The following DCDC1 variants were observed in gnomAD, a reference collection of about 807,000 sequenced individuals.
DCDC1 encodes doublecortin domain containing 1.
DCDC1 carries 200 observed loss-of-function variants against 178.3 expected under a neutral mutation model. The ratio of observed to expected loss-of-function variants is 1.12; its 90% CI spans 1.00 to 1.26. The LOEUF (loss-of-function observed/expected upper bound fraction) is 1.26, where lower values mean the gene tolerates loss of function less well. DCDC1 is among the 50% of genes most tolerant of loss of function. DCDC1 has a pLI of 0.00. For missense variants in DCDC1, 1,983 were observed against 1,749.2 expected (o/e 1.13, Z -2.38); for synonymous variants, 690 against 604.8 (o/e 1.14, Z -2.07).
At chr11:31,111,137 G>A (rs1417756362) in intron 11 of DCDC1, among the ~76,000 whole-genome samples, 1 of 151,980 alleles carries the variant, frequency 6.6e-6, no homozygotes, top group African/African-American at 2.4e-5. Flanking sequence ...GCTGAGAGAG[G>A]GGCCTGATGA....
chr11:30,867,526 T>C (rs1427405148), intron 38 of DCDC1, among the ~76,000 whole-genome samples: 2 of 152,170 alleles, frequency 1.3e-5, no homozygotes, highest in Admixed American at 1.3e-4. Flanking sequence ...GTGTTGATGA[T>C]CTCATTTGAG....
chr11:30,867,303 T>C (rs1941084110), intron 38 of DCDC1, among the ~76,000 whole-genome samples: 1 of 152,230 alleles, frequency 6.6e-6, no homozygotes, highest in Non-Finnish European at 1.5e-5. Flanking sequence ...TAAATCCCAG[T>C]TCTGCCACTT....
chr11:31,250,413 C>CACACATAT (rs1476922348), intron 8 of DCDC1, among the ~76,000 whole-genome samples: 7 of 93,064 alleles, frequency 7.5e-5, no homozygotes, highest in African/African-American at 3.5e-4. Flanking sequence ...CACACACACA[C>CACACATAT]ACATATACAT....
chr11:31,216,712 A>G (rs1973615378), intron 9 of DCDC1, among the ~76,000 whole-genome samples: 1 of 152,164 alleles, frequency 6.6e-6, no homozygotes, highest in Non-Finnish European at 1.5e-5. Context: ...AAGCCCAGAC[A>G]GTACTAGTTA....
At chr11:31,111,294 GA>G (rs573318086) in intron 11 of DCDC1, among the ~76,000 whole-genome samples, 6,418 of 141,750 alleles carry the variant, frequency 0.045, 214 homozygotes, top group African/African-American at 0.1. Flanking sequence ...ATTTAAAAAT[GA>G]AAAAAAAAAA....
chr11:31,025,329 C>T (rs938914064), intron 20 of DCDC1, among the ~76,000 whole-genome samples: 2 of 151,682 alleles, frequency 1.3e-5, no homozygotes, highest in Non-Finnish European at 3.0e-5. Flanking sequence ...CTCAAAAAGC[C>T]ACAAACATTC....
intron 9 of DCDC1, among the ~76,000 whole-genome samples, chr11:31,177,502 G>T (rs1487708423): frequency 6.6e-6 from 1 of 152,118 alleles, no homozygotes; most frequent in East Asian, 1.9e-4. Flanking sequence ...TAAGAGAACT[G>T]TAGGAGTAAG....
chr11:31,192,031 C>G (rs932036102), intron 9 of DCDC1, among the ~76,000 whole-genome samples: 1 of 152,046 alleles, frequency 6.6e-6, no homozygotes, highest in African/African-American at 2.4e-5. Context: ...TCTTATCATA[C>G]AAACCAGAAA....
intron 9 of DCDC1, among the ~76,000 whole-genome samples, chr11:31,171,806 G>A (rs1035039021): frequency 2.6e-5 from 4 of 152,134 alleles, no homozygotes; most frequent in African/African-American, 9.7e-5. Context: ...TTAAATTAAA[G>A]GTTGTTTTAG....
chr11:31,329,632 G>C (rs1436709945), intron 2 of DCDC1, among the ~76,000 whole-genome samples: 1 of 152,114 alleles, frequency 6.6e-6, no homozygotes, highest in Non-Finnish European at 1.5e-5. Flanking sequence ...TCCCACCTAT[G>C]AGTGAGAAAA....
chr11:31,323,054 C>T (rs1418163471), intron 3 of DCDC1, among the ~76,000 whole-genome samples: 1 of 149,720 alleles, frequency 6.7e-6, no homozygotes, highest in Non-Finnish European at 1.5e-5. Flanking sequence ...AAAAATTCTA[C>T]TTTTATTTAA....
chr11:30,929,392 A>G (rs184492868), intron 22 of DCDC1, among the ~76,000 whole-genome samples: 11 of 152,264 alleles, frequency 7.2e-5, no homozygotes, highest in Non-Finnish European at 1.3e-4. Context: ...AGTAGACACA[A>G]CTAACTCGAG....
At position 31,121,406 on chromosome 11, in the gene DCDC1, G is replaced by C. The variant is rs144032771; in HGVS notation, c.1485+6063C>G. Among the ~76,000 whole-genome samples the C allele has an allele frequency of 4.2e-3, 619 of 147,228 alleles. 5 individuals carry two copies. The highest frequency in any genetic ancestry group is 0.015 in the African/African-American group (586 of 39,468). On this transcript the variant is annotated intron_variant, in intron 11 of 38. Coordinates refer to ENST00000684477, the MANE Select transcript of DCDC1 (RefSeq NM_001387274.1). The stretch of plus-strand genomic sequence containing the variant: ...GGCAGAAATGAGCAACCACACAGAG[G>C]CTGCTCCCGGTTTTTTATCTTGTAT...
At chr11:31,281,034 A>G in intron 7 of DCDC1, 1 of 522,108 alleles carries the variant, frequency 1.9e-6, no homozygotes, top group Admixed American at 2.2e-5. Flanking sequence ...CTCTGAAGCT[A>G]GACGTCCCAT....
chr11:31,279,692 C>G (rs761658259), intron 7 of DCDC1, among the ~76,000 whole-genome samples: 3 of 152,036 alleles, frequency 2.0e-5, no homozygotes, highest in Non-Finnish European at 4.4e-5. Context: ...ACAATGGGAA[C>G]ACATGGACAC....
At chr11:31,250,415 C>CACACACACATATAT (rs1223526182) in intron 8 of DCDC1, among the ~76,000 whole-genome samples, 5 of 73,660 alleles carry the variant, frequency 6.8e-5, no homozygotes, top group African/African-American at 2.6e-4. Context: ...CACACACACA[C>CACACACACATATAT]ATATACATAT....
intron 7 of DCDC1, among the ~76,000 whole-genome samples, chr11:31,284,645 CT>C (rs879384797): frequency 2.7e-3 from 386 of 144,170 alleles, no homozygotes; most frequent in Non-Finnish European, 2.6e-3. Context: ...ATGTTTATGT[CT>C]TTTTTTTTTT....
intron 21 of DCDC1, among the ~76,000 whole-genome samples, chr11:30,948,236 C>T (rs1301201653): frequency 6.6e-6 from 1 of 151,942 alleles, no homozygotes; most frequent in Non-Finnish European, 1.5e-5. Context: ...CCAAATAATG[C>T]GTGAACTCCC....
At chr11:31,201,395 T>C (rs1591385098) in intron 9 of DCDC1, among the ~76,000 whole-genome samples, 1 of 151,914 alleles carries the variant, frequency 6.6e-6, no homozygotes, top group East Asian at 1.9e-4. Context: ...ATATTCATAC[T>C]AAAATATAGC....
Sources: allele counts gnomAD v4.1 joint callset (sites outside exome capture counted in the v4.1 genomes callset), GRCh38; gene constraint gnomAD v4.1.1; transcripts MANE v1.5; gene names NCBI Gene and HGNC (gene_info 2026-07-23, HGNC 2026-07-21).